ANKFN1: variants seen among roughly 807,000 people sequenced by gnomAD.
ANKFN1 encodes ankyrin repeat and fibronectin type III domain containing 1.
Under a neutral mutation model 108.7 loss-of-function variants are expected in ANKFN1, and 74 were observed. That is an observed-to-expected ratio of 0.68 (90% CI 0.56 to 0.83). The LOEUF (loss-of-function observed/expected upper bound fraction) is 0.83. ANKFN1 is among the 40% of genes least tolerant of loss of function. The pLI is 0.00. For missense variants in ANKFN1, 1,505 were observed against 1,382.3 expected (o/e 1.09, Z -1.41); for synonymous variants, 547 against 516.2 (o/e 1.06, Z -0.81).
rs540843837 is a variant in ANKFN1, at chr17:56,165,598, C to T, written c.-71+12068C>T. Among the ~76,000 whole-genome samples the T allele has an allele frequency of 5.3e-5, 8 of 152,208 alleles. No homozygotes were observed. The South Asian group carries it at 1.2e-3, about 24-fold the overall frequency. ...CCTCTTGTTGCCTCTGAATCGGCCA[C>T]GTGGGATGCTTGGCGTCATATAGAC... On this transcript the variant is annotated intron_variant, in intron 1 of 20. Coordinates refer to ENST00000682825, the MANE Select transcript of ANKFN1 (RefSeq NM_001370326.1).
At chr17:56,255,485 A>C (rs1371608309) in intron 3 of ANKFN1, among the ~76,000 whole-genome samples, 1 of 152,226 alleles carries the variant, frequency 6.6e-6, no homozygotes, top group Non-Finnish European at 1.5e-5. Flanking sequence ...TGAGAAACAG[A>C]CTGGAAAAAT....
At chr17:56,367,815 A>C (rs953074887) in intron 6 of ANKFN1, among the ~76,000 whole-genome samples, 7 of 152,258 alleles carry the variant, frequency 4.6e-5, no homozygotes, top group African/African-American at 1.7e-4. Flanking sequence ...ATGATAAAAC[A>C]GACATAGCCT....
At position 56,512,482 on chromosome 17, in the gene ANKFN1, A is replaced by T. The variant is rs1461099437; in HGVS notation, c.*1213A>T. On this transcript the variant is annotated 3_prime_UTR_variant, in exon 21 of 21. Coordinates refer to ENST00000682825, the MANE Select transcript of ANKFN1 (RefSeq NM_001370326.1). Reference sequence around the variant, plus strand: ...TTAATTCCAAGGATGTGCTAAAAACATCTGGAAATCTTGCTTTGGTCTCAT... The same window carrying T: ...TTAATTCCAAGGATGTGCTAAAAACTTCTGGAAATCTTGCTTTGGTCTCAT... 2.0e-5 allele frequency among the ~76,000 whole-genome samples: 3 copies of T among 152,236 alleles called. No individual in the cohort carries two copies. Among genetic ancestry groups the T allele is most frequent in the Admixed American group, 6.5e-5 (1 of 15,290 alleles).
chr17:56,363,063 G>A (rs2046565676), intron 6 of ANKFN1, among the ~76,000 whole-genome samples: 1 of 151,860 alleles, frequency 6.6e-6, no homozygotes, highest in Non-Finnish European at 1.5e-5. Context: ...ACAAAAATTT[G>A]CTGAGCATGG....
chr17:56,410,640 A>T (rs1231622740), intron 8 of ANKFN1, among the ~76,000 whole-genome samples: 1 of 152,140 alleles, frequency 6.6e-6, no homozygotes, highest in Non-Finnish European at 1.5e-5. Context: ...TTTTTCTACC[A>T]GTCTCACCAA....
chr17:56,145,346 G>A (rs1166166921), intron 4 of ANKFN1, among the ~76,000 whole-genome samples: 2 of 152,328 alleles, frequency 1.3e-5, no homozygotes, highest in South Asian at 4.1e-4. Context: ...CCATTCTCAT[G>A]CTGCCATAAA....
chr17:56,084,541 A>G (rs930712487), intron 4 of ANKFN1, among the ~76,000 whole-genome samples: 1 of 151,266 alleles, frequency 6.6e-6, no homozygotes, highest in Non-Finnish European at 1.5e-5. Context: ...CTGGCTGTGT[A>G]TCTGAAAATA....
Position 56,511,487 on chromosome 17 carries a change from T to C in ANKFN1, c.*218T>C. 1 of 567,878 alleles carries C rather than the reference T, an allele frequency of 1.8e-6. No homozygotes were observed. Among genetic ancestry groups the C allele is most frequent in the Non-Finnish European group, 3.1e-6 (1 of 325,664 alleles). The allele number at this position is 567,878 out of a possible 1,614,324, so 35.2% of individuals were successfully genotyped here. ...TTCCCACTTCAGCCTAGAAAGGGCATGGGGGAGTTGTGTCAACATGGAATA... is the reference window on the plus strand; with the variant it reads ...TTCCCACTTCAGCCTAGAAAGGGCACGGGGGAGTTGTGTCAACATGGAATA... On this transcript the variant is annotated 3_prime_UTR_variant, in exon 21 of 21. Coordinates refer to ENST00000682825, the MANE Select transcript of ANKFN1 (RefSeq NM_001370326.1).
At chr17:56,457,037 G>A (rs2049729899) in intron 12 of ANKFN1, 77 bp downstream of exon 12, 3 of 1,386,032 alleles carry the variant, frequency 2.2e-6, no homozygotes, top group Non-Finnish European at 3.0e-6. Context: ...TAGAAACTTG[G>A]TAGAAATTTT....
At chr17:56,420,289 A>G (rs575506218) in intron 8 of ANKFN1, among the ~76,000 whole-genome samples, 2 of 152,338 alleles carry the variant, frequency 1.3e-5, no homozygotes, top group African/African-American at 2.4e-5. Context: ...TTACACCTCT[A>G]TTATCTTAAT....
At chr17:56,053,532 C>T (rs1447534253) in intron 4 of ANKFN1, among the ~76,000 whole-genome samples, 2 of 152,146 alleles carry the variant, frequency 1.3e-5, no homozygotes, top group Admixed American at 6.6e-5. Flanking sequence ...ATATATACTA[C>T]ATTTTCTTTC....
intron 1 of ANKFN1, among the ~76,000 whole-genome samples, chr17:56,203,329 A>G (rs1914219048): frequency 6.6e-6 from 1 of 152,184 alleles, no homozygotes; most frequent in East Asian, 1.9e-4. Flanking sequence ...AAGGGACATA[A>G]TGAAGACATC....
chr17:56,353,013 A>G (rs2046284396), intron 5 of ANKFN1, among the ~76,000 whole-genome samples: 1 of 152,146 alleles, frequency 6.6e-6, no homozygotes, highest in Non-Finnish European at 1.5e-5. Context: ...CAAGCTAGCC[A>G]TAACTGCTAC....
chr17:56,167,893 C>A (rs995436981), intron 1 of ANKFN1, among the ~76,000 whole-genome samples: 1 of 152,156 alleles, frequency 6.6e-6, no homozygotes, highest in Admixed American at 6.5e-5. Flanking sequence ...GTCATAGACC[C>A]AACCTCAGTG....
At chr17:56,178,087 T>C (rs1051274910) in intron 1 of ANKFN1, among the ~76,000 whole-genome samples, 5 of 152,144 alleles carry the variant, frequency 3.3e-5, no homozygotes, top group Admixed American at 6.6e-5. Context: ...CGCCCTCCCT[T>C]GGAAGTCCAT....
intron 18 of ANKFN1, among the ~76,000 whole-genome samples, chr17:56,483,267 A>G (rs1010111368): frequency 6.6e-6 from 1 of 152,178 alleles, no homozygotes; most frequent in Non-Finnish European, 1.5e-5. Context: ...CCCATGCTTC[A>G]TCTTGTAACA....
At chr17:56,372,499 A>G in intron 6 of ANKFN1, 147 bp from the exon 7 acceptor site, 1 of 694,500 alleles carries the variant, frequency 1.4e-6, no homozygotes, top group Non-Finnish European at 2.4e-6. Flanking sequence ...TATCATAGTA[A>G]GATACTTGAT....
At chr17:56,232,001 G>A (rs1423966330) in intron 3 of ANKFN1, among the ~76,000 whole-genome samples, 2 of 151,804 alleles carry the variant, frequency 1.3e-5, no homozygotes, top group East Asian at 3.9e-4. Flanking sequence ...ACTTTCTTTC[G>A]CTAACCTGAG....
intron 4 of ANKFN1, among the ~76,000 whole-genome samples, chr17:56,048,248 G>GT (rs145637997): frequency 0.43 from 65,717 of 151,854 alleles, 16,855 homozygotes; most frequent in Middle Eastern, 0.69. Flanking sequence ...ATTGCTTATA[G>GT]TTTTTTTCAT....
Sources: allele counts gnomAD v4.1 joint callset (sites outside exome capture counted in the v4.1 genomes callset), GRCh38; gene constraint gnomAD v4.1.1; transcripts MANE v1.5; gene names NCBI Gene and HGNC (gene_info 2026-07-23, HGNC 2026-07-21).